The following ATF7 variants were observed in gnomAD, a reference collection of about 807,000 sequenced individuals.
The protein encoded by ATF7 is cyclic AMP-dependent transcription factor ATF-7.
In ATF7, 10 loss-of-function variants were observed where a neutral mutation model predicts 50.4. The observed-to-expected ratio is 0.20, with a 90% CI of 0.12 to 0.34. The LOEUF (loss-of-function observed/expected upper bound fraction) is 0.34, where lower values mean the gene tolerates loss of function less well. Among genes scored for constraint, ATF7 ranks in the 10% least tolerant of loss-of-function variants. The probability of loss-of-function intolerance (pLI) is 1.00; values close to 1 mark genes in which losing one functional copy is unlikely to be tolerated. For missense variants in ATF7, 465 were observed against 613.9 expected, an observed-to-expected ratio of 0.76 and a Z score of 2.56; for synonymous variants, 201 against 226.4, an observed-to-expected ratio of 0.89 and a Z score of 1.01.
downstream of ATF7, among the ~76,000 whole-genome samples, chr12:53,509,889 G>A (rs1944098067): frequency 6.6e-6 from 1 of 152,084 alleles, no homozygotes; most frequent in East Asian, 1.9e-4. Flanking sequence ...CTTTAGACAC[G>A]TAGATTAGAG....
At chr12:53,595,338 G>T (rs1404122394) in intron 2 of ATF7, among the ~76,000 whole-genome samples, 1 of 152,112 alleles carries the variant, frequency 6.6e-6, no homozygotes, top group African/African-American at 2.4e-5. Flanking sequence ...CTAACATAAA[G>T]AATTAGTAAT....
At chr12:53,528,781 A>G (rs1938660417) in intron 9 of ATF7, among the ~76,000 whole-genome samples, 1 of 152,164 alleles carries the variant, frequency 6.6e-6, no homozygotes, top group Non-Finnish European at 1.5e-5. Flanking sequence ...AAGAAAAGAA[A>G]AGAAAACAAA....
chr12:53,579,363 T>A (rs1322286140), intron 2 of ATF7, among the ~76,000 whole-genome samples: 1 of 151,588 alleles, frequency 6.6e-6, no homozygotes, highest in Non-Finnish European at 1.5e-5. Context: ...TGAAATGCCA[T>A]CAAAATAGTG....
chr12:53,607,932 T>G (rs186437333), intron 1 of ATF7, among the ~76,000 whole-genome samples: 1 of 152,212 alleles, frequency 6.6e-6, no homozygotes, highest in Non-Finnish European at 1.5e-5. Context: ...GAAAAAAGTC[T>G]GAGTTGGCCA....
chr12:53,577,344 A>C (rs1942129321), intron 2 of ATF7, among the ~76,000 whole-genome samples: 1 of 152,154 alleles, frequency 6.6e-6, no homozygotes, highest in South Asian at 2.1e-4. Flanking sequence ...AGAACTAAAA[A>C]AAAAATAACA....
intron 1 of ATF7, among the ~76,000 whole-genome samples, chr12:53,608,184 C>T (rs571752455): frequency 3.5e-5 from 5 of 143,392 alleles, no homozygotes; most frequent in South Asian, 4.4e-4. Flanking sequence ...TGTGCCACTG[C>T]GCTCCAGCCT....
chr12:53,517,441 T>A, intron 11 of ATF7, 87 bp from the exon 12 acceptor site: 3 of 1,306,878 alleles, frequency 2.3e-6, no homozygotes, highest in Non-Finnish European at 3.2e-6. Flanking sequence ...GCCATAATTC[T>A]AAAGGAGCCC....
intron 11 of ATF7, among the ~76,000 whole-genome samples, chr12:53,520,290 A>G (rs1938033943): frequency 6.6e-6 from 1 of 152,082 alleles, no homozygotes; most frequent in African/African-American, 2.4e-5. Context: ...TTAAAAACTA[A>G]CTATGGCCAG....
chr12:53,598,460 A>G (rs965065188), intron 2 of ATF7, among the ~76,000 whole-genome samples: 8 of 152,244 alleles, frequency 5.3e-5, no homozygotes, highest in Non-Finnish European at 1.0e-4. Flanking sequence ...TTAGAACCTA[A>G]GCCGGAGGTT....
At chr12:53,546,763 T>C (rs185915937) in intron 3 of ATF7, among the ~76,000 whole-genome samples, 82 of 150,680 alleles carry the variant, frequency 5.4e-4, no homozygotes, top group African/African-American at 1.8e-3. Context: ...TTTTCTTTTT[T>C]TTTTCTTTTT....
intron 1 of ATF7, among the ~76,000 whole-genome samples, chr12:53,613,513 AATT>A (rs1283341682): frequency 1.3e-5 from 2 of 151,946 alleles, no homozygotes; most frequent in Non-Finnish European, 2.9e-5. Context: ...TGGAGTCCTC[AATT>A]ATTATTTTAT....
Position 53,533,201 on chromosome 12 carries a change from C to G in ATF7, c.619G>C (p.Val207Leu), listed in dbSNP as rs1939010101. The part of the protein sequence containing the change: ...MHLANGQTMP[V>L]LPGPPVQMPS... ...ATCTGTACTGGAGGCCCTGGCAACA[C>G]AGGCATGGTCTGTCCATTAGCAAGA... The change falls in exon 7 of 12, where the codon GTG becomes CTG. Residue 207 changes from valine to leucine, a missense_variant. Transcript: ENST00000420353. The G allele has an allele frequency of 6.2e-7, 1 of 1,613,920 alleles. No individual in the cohort carries two copies. The highest frequency in any genetic ancestry group is 8.5e-7 in the Non-Finnish European group (1 of 1,179,826).
chr12:53,545,341 C>G (rs1388450211), intron 3 of ATF7, among the ~76,000 whole-genome samples: 1 of 152,052 alleles, frequency 6.6e-6, no homozygotes, highest in Non-Finnish European at 1.5e-5. Flanking sequence ...TGTTTTGATA[C>G]AGAGTTTCCC....
intron 4 of ATF7, among the ~76,000 whole-genome samples, chr12:53,541,333 T>C (rs1297014980): frequency 6.6e-6 from 1 of 152,184 alleles, no homozygotes; most frequent in East Asian, 1.9e-4. Flanking sequence ...TGTGTTTATA[T>C]ATATGTTTTG....
intron 3 of ATF7, among the ~76,000 whole-genome samples, chr12:53,548,213 C>G (rs1439960987): frequency 1.3e-5 from 2 of 151,992 alleles, no homozygotes; most frequent in Non-Finnish European, 2.9e-5. Flanking sequence ...CTCATGTTGC[C>G]CAGGGCTGGC....
chr12:53,609,157 C>CT (rs535786548), intron 1 of ATF7, among the ~76,000 whole-genome samples: 24,308 of 141,282 alleles, frequency 0.17, 2,587 homozygotes, highest in East Asian at 0.55. Flanking sequence ...CTCTTTTTTC[C>CT]TTTTTTTTTT....
chr12:53,622,698 C>T (rs1390683461), intron 1 of ATF7, among the ~76,000 whole-genome samples: 1 of 151,768 alleles, frequency 6.6e-6, no homozygotes, highest in African/African-American at 2.4e-5. Context: ...GTATTTACCC[C>T]AGAAGAGATG....
intron 9 of ATF7, among the ~76,000 whole-genome samples, chr12:53,528,807 A>G (rs1313084965): frequency 6.6e-6 from 1 of 152,100 alleles, no homozygotes; most frequent in African/African-American, 2.4e-5. Flanking sequence ...AGAAAAAATT[A>G]GTTCTTTAGG....
intron 2 of ATF7, among the ~76,000 whole-genome samples, chr12:53,567,881 T>C (rs773852951): frequency 5.3e-5 from 8 of 152,370 alleles, no homozygotes; most frequent in Non-Finnish European, 1.0e-4. Flanking sequence ...GTTGACATTA[T>C]ACATTTCTAT....
Sources: gnomAD v4.1 joint callset for allele counts (sites outside exome capture counted in the v4.1 genomes callset) on GRCh38, gnomAD v4.1.1 for gene constraint, MANE v1.5 for transcripts, NCBI Gene and HGNC (gene_info 2026-07-23, HGNC 2026-07-21) for gene names.